The following OR14A2 variants were observed in gnomAD, a reference collection of about 807,000 sequenced individuals.
OR14A2 encodes olfactory receptor family 14 subfamily A member 2, also known as olfactory receptor 14A2.
For synonymous variants in OR14A2, 114 were observed against 58.6 expected (o/e 1.95, Z -4.32); for missense variants, 237 against 152.9 (o/e 1.55, Z -2.90).
At chr1:247,743,469 C>T in the OR14A2 span, among the ~76,000 whole-genome samples, 1 of 152,292 alleles carries the variant, frequency 6.6e-6, no homozygotes, top group African/African-American at 2.4e-5. Flanking sequence ...TTATTTCCAC[C>T]AATCATCTGT....
chr1:247,726,881 C>T (rs950237719), upstream of OR14A2, among the ~76,000 whole-genome samples: 1 of 133,242 alleles, frequency 7.5e-6, no homozygotes, highest in Non-Finnish European at 1.6e-5. Flanking sequence ...TGTTCTGTTC[C>T]ATTGATCTAT....
chr1:247,744,003 G>C, the OR14A2 span, among the ~76,000 whole-genome samples: 1 of 152,050 alleles, frequency 6.6e-6, no homozygotes, highest in Non-Finnish European at 1.5e-5. The surrounding 1 kb of genome is among the most constrained non-coding windows in gnomAD (Gnocchi z 4.3). Context: ...GGTAAAGTAG[G>C]CATCAAATTT....
the OR14A2 span, among the ~76,000 whole-genome samples, chr1:247,732,867 C>T: frequency 0.062 from 9,503 of 152,142 alleles, 318 homozygotes; most frequent in African/African-American, 0.083. Context: ...AGACTCAGCA[C>T]GCCCTTCCCC....
At chr1:247,738,647 G>C in the OR14A2 span, 1 of 780,378 alleles carries the variant, frequency 1.3e-6, no homozygotes, top group South Asian at 1.3e-5. Context: ...TGGAATTCTT[G>C]CTTGTGAGAT....
chr1:247,723,661 AG>A lies in OR14A2; in HGVS notation c.382del (p.Leu128Ter). The A allele has an allele frequency of 1.4e-6, 1 of 718,682 alleles. No homozygotes were observed. The highest frequency in any genetic ancestry group is 2.6e-6 in the Non-Finnish European group (1 of 385,128). The allele number at this position is 718,682 out of a possible 1,614,324, so 44.5% of individuals were successfully genotyped here. On this transcript the variant is annotated frameshift_variant, in exon 1 of 1. Transcript: ENST00000366485. LOFTEE classifies it low-confidence loss of function (END_TRUNC). ...AGTATTCATGATTACCTCGTAGTTC[AG>A]GGGACAGCAGATGGCTACATAGCGG... is the stretch of plus-strand genomic sequence containing the variant.
the OR14A2 span, among the ~76,000 whole-genome samples, chr1:247,729,096 A>T: frequency 6.6e-6 from 1 of 152,148 alleles, no homozygotes; most frequent in Non-Finnish European, 1.5e-5. Flanking sequence ...AAACGTCTAT[A>T]GTCAAGGGAC....
chr1:247,731,420 A>G, the OR14A2 span, among the ~76,000 whole-genome samples: 2 of 152,024 alleles, frequency 1.3e-5, no homozygotes, highest in African/African-American at 4.8e-5. Context: ...CTTTGCTTTC[A>G]ATAGTTTTAC....
chr1:247,744,543 G>T, the OR14A2 span, among the ~76,000 whole-genome samples: 1 of 152,246 alleles, frequency 6.6e-6, no homozygotes, highest in Non-Finnish European at 1.5e-5. This position sits in a 1 kb window ranked among gnomAD's most constrained non-coding sequence, Gnocchi z 4.3. Flanking sequence ...ATTTGTGGGG[G>T]TTAAGAGTTT....
At chr1:247,745,248 A>G in the OR14A2 span, among the ~76,000 whole-genome samples, 1 of 152,194 alleles carries the variant, frequency 6.6e-6, no homozygotes, top group Non-Finnish European at 1.5e-5. Flanking sequence ...AAAGGAAAAT[A>G]TATCCAAACG....
chr1:247,734,644 T>C, the OR14A2 span, among the ~76,000 whole-genome samples: 4 of 152,206 alleles, frequency 2.6e-5, no homozygotes, highest in African/African-American at 9.6e-5. Context: ...CTAGATTCAG[T>C]CCCTGTCAAA....
chr1:247,723,142 C>A lies in OR14A2; in HGVS notation c.902G>T (p.Arg301Met), dbSNP rs371897453. Residue 301 changes from arginine (R) to methionine (M), a missense_variant, in exon 1 of 1, where the codon AGG (arginine) becomes ATG (methionine). Physicochemically the swap from Arg to Met is moderately conservative, Grantham distance 91. Coordinates refer to ENST00000366485, the Ensembl canonical transcript of OR14A2. ...CTGACCATATGTTTTCTGCAGCAACCTTATCAGAGCACATTTCATGTCATT... is the reference window on the plus strand; with the variant it reads ...CTGACCATATGTTTTCTGCAGCAACATTATCAGAGCACATTTCATGTCATT... 112 of 717,378 alleles carry A rather than the reference C, an allele frequency of 1.6e-4. 1 individual carries two copies. In the South Asian group the frequency reaches 1.6e-3, roughly 10 times the overall value. The allele number at this position is 717,378 out of a possible 1,614,324, so 44.4% of individuals were successfully genotyped here.
At chr1:247,723,934 A>G (rs1372505309) in exon 1 of OR14A2, 1 of 717,074 alleles carries the variant, frequency 1.4e-6, no homozygotes, top group Non-Finnish European at 2.6e-6. Context: ...GTTACTCATT[A>G]GGGCTGCCAG....
upstream of OR14A2, among the ~76,000 whole-genome samples, chr1:247,726,709 A>G (rs1660374960): frequency 6.8e-6 from 1 of 146,824 alleles, no homozygotes; most frequent in South Asian, 2.2e-4. Context: ...TGATTTTTGT[A>G]TAAGGTGTAA....
chr1:247,726,321 A>G (rs1353208711), upstream of OR14A2, among the ~76,000 whole-genome samples: 1 of 131,022 alleles, frequency 7.6e-6, no homozygotes, highest in Non-Finnish European at 1.6e-5. Flanking sequence ...TTGGCTGCAT[A>G]AATGTCTTCT....
At chr1:247,728,261 C>T (rs1420157558), upstream of OR14A2, among the ~76,000 whole-genome samples, 4 of 152,130 alleles carry the variant, frequency 2.6e-5, no homozygotes, top group South Asian at 6.2e-4. Flanking sequence ...ATGCAAGGCT[C>T]GTTCAATATA....
upstream of OR14A2, among the ~76,000 whole-genome samples, chr1:247,727,643 T>C (rs1323764969): frequency 6.8e-6 from 1 of 147,958 alleles, no homozygotes; most frequent in Non-Finnish European, 1.5e-5. Context: ...AGCTGGTTTT[T>C]TGAAAGGATC....
the OR14A2 span, among the ~76,000 whole-genome samples, chr1:247,734,490 G>A: frequency 4.6e-5 from 7 of 152,170 alleles, no homozygotes; most frequent in Non-Finnish European, 8.8e-5. Flanking sequence ...TTAACAAAAT[G>A]AGCTTGGGGG....
At chr1:247,727,366 C>T (rs1558307182), upstream of OR14A2, among the ~76,000 whole-genome samples, 1 of 150,724 alleles carries the variant, frequency 6.6e-6, no homozygotes, top group Non-Finnish European at 1.5e-5. Context: ...ATGCTTGTGA[C>T]TTTTGTACAT....
chr1:247,746,808 G>C, the OR14A2 span: 1 of 152,164 alleles, frequency 6.6e-6, no homozygotes, highest in African/African-American at 2.4e-5. Flanking sequence ...TCCTGCCTCT[G>C]ACCATCCTGC....
Sources: gnomAD v4.1 joint callset for allele counts (sites outside exome capture counted in the v4.1 genomes callset) on GRCh38, gnomAD v4.1.1 for gene constraint, Gnocchi (gnomAD v3.1) non-coding constraint, MANE v1.5 for transcripts, NCBI Gene and HGNC (gene_info 2026-07-23, HGNC 2026-07-21) for gene names.